The following DOCK1 variants were observed in gnomAD, a reference collection of about 807,000 sequenced individuals.
DOCK1 encodes dedicator of cytokinesis protein 1.
DOCK1 carries 138 observed loss-of-function variants against 262.7 expected under a neutral mutation model. The ratio of observed to expected loss-of-function variants is 0.53; its 90% CI spans 0.46 to 0.61. The LOEUF (loss-of-function observed/expected upper bound fraction) is 0.61, where lower values mean the gene tolerates loss of function less well. DOCK1 is among the 20% of genes least tolerant of loss of function. The pLI, the probability that DOCK1 is intolerant of heterozygous loss-of-function variation, is 0.00. For missense variants in DOCK1, 1,908 were observed against 2,370.7 expected, an observed-to-expected ratio of 0.80 and a Z score of 4.05; for synonymous variants, 866 against 867.4, an observed-to-expected ratio of 1.00 and a Z score of 0.03.
At chr10:127,430,097 C>T (rs1315342344) in intron 47 of DOCK1, among the ~76,000 whole-genome samples, 1 of 152,206 alleles carries the variant, frequency 6.6e-6, no homozygotes, top group Non-Finnish European at 1.5e-5. Context: ...CCGCTGGCCA[C>T]CCAGACCCGG....
chr10:127,376,501 C>G (rs1042663306), intron 35 of DOCK1, among the ~76,000 whole-genome samples: 2 of 152,204 alleles, frequency 1.3e-5, no homozygotes, highest in Non-Finnish European at 2.9e-5. Context: ...GTCAGTTGGT[C>G]TGATCTTACA....
Position 127,140,132 on chromosome 10 carries a change from C to T in DOCK1, c.2847+12368C>T, listed in dbSNP as rs548186612. 3.9e-5 allele frequency among the ~76,000 whole-genome samples: 6 copies of T among 152,252 alleles called. No individual in the cohort carries two copies. The South Asian group carries it at 6.2e-4, about 16-fold the overall frequency. ...TTGGGTTATTAGAACAGAGAGAAGG[C>T]GCTAGCATCTCCTAGGCTAACAGTA... is the stretch of plus-strand genomic sequence containing the variant. On this transcript the variant is annotated intron_variant, in intron 27 of 51. Coordinates refer to ENST00000623213, the MANE Select transcript of DOCK1 (RefSeq NM_001290223.2).
chr10:127,049,212 T>C (rs754429546), intron 21 of DOCK1, among the ~76,000 whole-genome samples: 1 of 152,162 alleles, frequency 6.6e-6, no homozygotes, highest in African/African-American at 2.4e-5. Context: ...CAGTACACTT[T>C]AGGGTCTTAT....
chr10:127,333,244 G>C (rs574949703), intron 29 of DOCK1, among the ~76,000 whole-genome samples: 1 of 152,314 alleles, frequency 6.6e-6, no homozygotes, highest in South Asian at 2.1e-4. Flanking sequence ...GTTTAGGGAA[G>C]GAATTTAAAT....
rs1423545706 is a variant in DOCK1 at position 127,384,892 on chromosome 10, T to C, written c.3910T>C (p.Tyr1304His). 1 of 1,602,532 alleles carries C rather than the reference T, an allele frequency of 6.2e-7. No homozygotes were observed. Among genetic ancestry groups the C allele is most frequent in the Admixed American group, 1.8e-5 (1 of 56,560 alleles). Residue 1304 changes from tyrosine to histidine, a missense_variant, in exon 38 of 52, where the codon TAC (tyrosine) becomes CAC (histidine). By Grantham distance (83) the Tyr-to-His change is moderately conservative (BLOSUM62 2). Coordinates refer to ENST00000623213, the MANE Select transcript of DOCK1 (RefSeq NM_001290223.2). ...KEQLYQEIIH[Y>H]FDKGKMWEEA... ...GCAGCTCTACCAGGAAATCATCCAC[T>C]ACTTCGACAAAGGCAAGGTAAAACA... is the stretch of plus-strand genomic sequence containing the variant.
At chr10:127,444,325 A>G (rs368077831) in intron 50 of DOCK1, 46 bp downstream of exon 50, 50 of 1,533,792 alleles carry the variant, frequency 3.3e-5, no homozygotes, top group Non-Finnish European at 1.1e-5. Flanking sequence ...TAGCTCCGTG[A>G]CTTCCCCTCA....
intron 46 of DOCK1, among the ~76,000 whole-genome samples, chr10:127,424,008 T>C (rs775501217): frequency 1.3e-5 from 2 of 152,188 alleles, no homozygotes; most frequent in Non-Finnish European, 2.9e-5. Context: ...CACCTGAGAT[T>C]CTGATGCTTA....
intron 38 of DOCK1, among the ~76,000 whole-genome samples, chr10:127,387,051 AGG>A (rs1257357530): frequency 4.7e-5 from 7 of 148,374 alleles, no homozygotes; most frequent in African/African-American, 1.0e-4. Context: ...AGGGCAGGGC[AGG>A]AGGCAGGGAC....
At position 127,389,061 on chromosome 10, in the gene DOCK1, C is replaced by T. The variant is rs1590838715; in HGVS notation, c.3927+4152C>T. Reference sequence around the variant, plus strand: ...TGGGCCTCAATCCTCGTTTCTCTGTCGTGGAGTTTCCTTCTTCCGTTAAAG... The same window carrying T: ...TGGGCCTCAATCCTCGTTTCTCTGTTGTGGAGTTTCCTTCTTCCGTTAAAG... On this transcript the variant is annotated intron_variant, in intron 38 of 51. Coordinates refer to ENST00000623213, the MANE Select transcript of DOCK1 (RefSeq NM_001290223.2). 5.3e-5 allele frequency among the ~76,000 whole-genome samples: 8 copies of T among 152,320 alleles called. No individual in the cohort carries two copies. The South Asian group carries it at 1.5e-3, about 28-fold the overall frequency.
intron 29 of DOCK1, among the ~76,000 whole-genome samples, chr10:127,267,635 G>A (rs1045934975): frequency 5.3e-5 from 8 of 152,198 alleles, no homozygotes; most frequent in African/African-American, 1.7e-4. Context: ...ACCTCGTCGG[G>A]AGTGCCTGGC....
chr10:127,290,853 T>G, intron 29 of DOCK1, among the ~76,000 whole-genome samples: 1 of 152,210 alleles, frequency 6.6e-6, no homozygotes, highest in African/African-American at 2.4e-5. Context: ...TTTCTAGTTT[T>G]GGGTTATTTT....
chr10:127,226,165 G>GC (rs992297409), intron 27 of DOCK1, among the ~76,000 whole-genome samples: 1 of 151,544 alleles, frequency 6.6e-6, no homozygotes, highest in Non-Finnish European at 1.5e-5. Context: ...CTAATCATCA[G>GC]TTTTTTTCTC....
At position 126,948,542 on chromosome 10, in the gene DOCK1, C is replaced by A. The variant is rs909749470; in HGVS notation, c.47-22160C>A. Reference sequence around the variant, plus strand: ...CTTTTGAGGGCATCTGGATGAACCTCTTTTTTACGTGGGGTGGGGTCGGGA... The same window carrying A: ...CTTTTGAGGGCATCTGGATGAACCTATTTTTTACGTGGGGTGGGGTCGGGA... On this transcript the variant is annotated intron_variant, in intron 1 of 51. Transcript: ENST00000623213. Among the ~76,000 whole-genome samples the A allele has an allele frequency of 3.3e-5, 5 of 151,808 alleles. 1 individual carries two copies.
At chr10:127,124,041 A>T (rs11813931) in intron 25 of DOCK1, among the ~76,000 whole-genome samples, 1 of 152,220 alleles carries the variant, frequency 6.6e-6, no homozygotes, top group Non-Finnish European at 1.5e-5. Context: ...GGCCTTGGCC[A>T]TGAGCCGCCC....
chr10:127,264,664 A>T (rs1045694210), intron 29 of DOCK1, among the ~76,000 whole-genome samples: 2 of 147,154 alleles, frequency 1.4e-5, no homozygotes, highest in African/African-American at 2.5e-5. Context: ...TACAATGTAG[A>T]TTTTTTTTTT....
At chr10:127,172,560 G>A (rs568827645) in intron 27 of DOCK1, among the ~76,000 whole-genome samples, 1 of 151,562 alleles carries the variant, frequency 6.6e-6, no homozygotes, top group South Asian at 2.1e-4. Context: ...ATGACCCTGG[G>A]GCATTGAGCA....
At chr10:126,921,870 T>G (rs1051283305) in intron 1 of DOCK1, among the ~76,000 whole-genome samples, 2 of 151,996 alleles carry the variant, frequency 1.3e-5, no homozygotes, top group Non-Finnish European at 2.9e-5. Flanking sequence ...CAGGCTGGTC[T>G]CAAACTCCTG....
chr10:127,185,828 T>C (rs2056179297), intron 27 of DOCK1, among the ~76,000 whole-genome samples: 1 of 152,068 alleles, frequency 6.6e-6, no homozygotes, highest in Non-Finnish European at 1.5e-5. Context: ...GCACACACAC[T>C]CACAAAAATG....
chr10:127,327,797 A>G (rs2062808060), intron 29 of DOCK1, among the ~76,000 whole-genome samples: 1 of 152,160 alleles, frequency 6.6e-6, no homozygotes, highest in South Asian at 2.1e-4. Context: ...CAAGACCTCA[A>G]TAAGGAAAAT....
Sources: allele counts gnomAD v4.1 joint callset (sites outside exome capture counted in the v4.1 genomes callset), GRCh38; gene constraint gnomAD v4.1.1; transcripts MANE v1.5; gene names NCBI Gene and HGNC (gene_info 2026-07-23, HGNC 2026-07-21).